The following NFYB variants were observed in gnomAD, a reference collection of about 807,000 sequenced individuals.
NFYB encodes CAAT box DNA-binding protein subunit B.
Under a neutral mutation model 28.0 loss-of-function variants are expected in NFYB, and 13 were observed. That is an observed-to-expected ratio of 0.46 (90% CI 0.30 to 0.74). The LOEUF (loss-of-function observed/expected upper bound fraction) is 0.74, where lower values mean the gene tolerates loss of function less well. NFYB is among the 30% of genes least tolerant of loss of function. NFYB has a pLI of 0.07. For synonymous variants in NFYB, 74 were observed against 75.0 expected (o/e 0.99, Z 0.07); for missense variants, 142 against 247.6 (o/e 0.57, Z 2.86).
At chr12:104,121,841 T>C (rs1452175487) in intron 5 of NFYB, among the ~76,000 whole-genome samples, 1 of 152,230 alleles carries the variant, frequency 6.6e-6, no homozygotes, top group Non-Finnish European at 1.5e-5. Flanking sequence ...CTACTTCAAT[T>C]ATTCCATGCA....
At chr12:104,138,010 G>A (rs1288585014) in intron 1 of NFYB, 131 bp downstream of exon 1, 3 of 146,512 alleles carry the variant, frequency 2.0e-5, no homozygotes, top group East Asian at 2.0e-4. Flanking sequence ...CCGCGCGGGA[G>A]GGCGGGAGGC....
chr12:104,123,208 G>T lies in NFYB; in HGVS notation c.429+18C>A, dbSNP rs1379536721. ...AAAAGAAGAAAAAAAAAAGCACAAT[G>T]GGAGATATTTTATTTACCTCTCTGA... is the stretch of plus-strand genomic sequence containing the variant. On this transcript the variant is annotated intron_variant, in intron 5 of 7. Transcript: ENST00000240055. The T allele has an allele frequency of 3.2e-6, 5 of 1,565,638 alleles. No individual in the cohort carries two copies. The Admixed American group carries it at 5.4e-5, about 17-fold the overall frequency.
At position 104,120,494 on chromosome 12, in the gene NFYB, AT is replaced by A; in HGVS notation, c.512-16del. On this transcript the variant is annotated splice_polypyrimidine_tract_variant and intron_variant, in intron 6 of 7. Coordinates refer to ENST00000240055, the MANE Select transcript of NFYB (RefSeq NM_006166.4). ...TAACTGGTTAGCTAAAAGAAAAAAA[AT>A]TAGTTAAAGAGGGAAATGAACTATA... 2 of 1,595,058 alleles carry A rather than the reference AT, an allele frequency of 1.3e-6. No individual in the cohort carries two copies. The highest frequency in any genetic ancestry group is 2.2e-5 in the East Asian group (1 of 44,778).
At chr12:104,136,461 G>A (rs931056642) in intron 1 of NFYB, among the ~76,000 whole-genome samples, 1 of 152,280 alleles carries the variant, frequency 6.6e-6, no homozygotes, top group East Asian at 1.9e-4. Context: ...AAAACTGCTT[G>A]ACGTTTGCTA....
At position 104,128,344 on chromosome 12, in the gene NFYB, C is replaced by T. The variant is rs555510866; in HGVS notation, c.100+80G>A. The T allele has an allele frequency of 4.2e-5, 41 of 985,974 alleles. No homozygotes were observed. In the Admixed American group the frequency reaches 7.3e-4, roughly 17 times the overall value. The allele number at this position is 985,974 out of a possible 1,614,324, so 61.1% of individuals were successfully genotyped here. A position where few individuals can be genotyped will look rare whatever the true frequency, so the allele number is the denominator to read the frequency against. ...ATTTTCCTATAAAGACACAAGTAGC[C>T]TAGAACACCATATTAATGAAATGTC... On this transcript the variant is annotated intron_variant, in intron 3 of 7. Transcript: ENST00000240055.
Position 104,126,247 on chromosome 12 carries a change from A to G in NFYB, c.101-3T>C, listed in dbSNP as rs1356618301. On this transcript the variant is annotated splice_polypyrimidine_tract_variant and splice_region_variant and intron_variant, in intron 3 of 7. Transcript: ENST00000240055. ...ATCATTCATGCTGTCCTCAGTATCTAAAGAAATAAAAATATTTAGGTGTAA... is the reference window on the plus strand; with the variant it reads ...ATCATTCATGCTGTCCTCAGTATCTGAAGAAATAAAAATATTTAGGTGTAA... The G allele has an allele frequency of 6.5e-7, 1 of 1,545,104 alleles. No homozygotes were observed. The highest frequency in any genetic ancestry group is 8.7e-7 in the Non-Finnish European group (1 of 1,153,776).
At chr12:104,133,984 C>T (rs576839640) in intron 2 of NFYB, among the ~76,000 whole-genome samples, 5 of 152,214 alleles carry the variant, frequency 3.3e-5, no homozygotes, top group African/African-American at 7.2e-5. Flanking sequence ...CTTTTTAACC[C>T]CAACCCAGAA....
intron 6 of NFYB, 73 bp from the exon 7 acceptor site, chr12:104,120,552 AC>A: frequency 1.0e-6 from 1 of 1,001,112 alleles, no homozygotes; most frequent in East Asian, 2.4e-5. Context: ...TTAAGGTTGT[AC>A]CATTAATGTC....
chr12:104,128,398 T>C (rs1177569366), intron 3 of NFYB, 26 bp downstream of exon 3: 3 of 1,544,084 alleles, frequency 1.9e-6, no homozygotes, highest in Non-Finnish European at 2.7e-6. Context: ...AACTTGAGAA[T>C]TTGGTTCTAA....
intron 1 of NFYB, 49 bp from the exon 2 acceptor site, chr12:104,135,581 T>C (rs2031071103): frequency 1.4e-6 from 1 of 732,658 alleles, no homozygotes; most frequent in South Asian, 2.5e-5. Flanking sequence ...ATAGTAAAAA[T>C]ACATCAAATG....
intron 2 of NFYB, among the ~76,000 whole-genome samples, chr12:104,133,421 T>C (rs923584152): frequency 6.6e-5 from 10 of 152,044 alleles, no homozygotes; most frequent in African/African-American, 2.4e-4. Flanking sequence ...GGATGGTGTT[T>C]GTGAGATGGT....
chr12:104,128,741 A>G (rs1413611618), intron 2 of NFYB: 1 of 216,068 alleles, frequency 4.6e-6, no homozygotes, highest in Non-Finnish European at 9.2e-6. Context: ...ATCACAGCTC[A>G]CTGCAGAATC....
At chr12:104,129,424 T>C (rs192595087) in intron 2 of NFYB, among the ~76,000 whole-genome samples, 6 of 152,316 alleles carry the variant, frequency 3.9e-5, no homozygotes, top group Admixed American at 3.9e-4. Flanking sequence ...TGCTTTCTCA[T>C]AGAAGTTCCA....
chr12:104,126,994 T>C (rs986787919), intron 3 of NFYB, among the ~76,000 whole-genome samples: 32 of 152,210 alleles, frequency 2.1e-4, no homozygotes, highest in African/African-American at 7.7e-4. Context: ...GTGATCCAAC[T>C]GTTCATACAA....
intron 4 of NFYB, 34 bp downstream of exon 4, chr12:104,126,080 G>GA (rs1251215276): frequency 2.6e-6 from 4 of 1,533,968 alleles, no homozygotes; most frequent in Admixed American, 2.1e-5. Flanking sequence ...TGTTTCCCTT[G>GA]AAAAAACCTA....
At position 104,119,050 on chromosome 12, in the gene NFYB, T is replaced by C. The variant is rs2030367734; in HGVS notation, c.*687A>G. 6.6e-6 allele frequency: 1 copy of C among 152,250 alleles called. No homozygotes were observed. The highest frequency in any genetic ancestry group is 2.1e-4 in the South Asian group (1 of 4,824). 9.4% of individuals were successfully genotyped at this position (152,250 alleles called of 1,614,324 possible). On this transcript the variant is annotated 3_prime_UTR_variant, in exon 8 of 8. Transcript: ENST00000240055. ...AAACCAAATCTAGTCTTAAAAAAGC[T>C]CCAGTAACTAAAACTACATTAACAG... is the stretch of plus-strand genomic sequence containing the variant.
intron 1 of NFYB, 150 bp downstream of exon 1, chr12:104,137,991 G>C (rs2031184476): frequency 6.9e-6 from 1 of 144,884 alleles, no homozygotes; most frequent in Admixed American, 6.8e-5. Context: ...CGCGGGGCCC[G>C]GCCTCGGCCC....
intron 1 of NFYB, 171 bp downstream of exon 1, chr12:104,137,970 G>T (rs1469972653): frequency 6.9e-6 from 1 of 145,332 alleles, no homozygotes; most frequent in African/African-American, 2.5e-5. Flanking sequence ...CTGCGGGAGC[G>T]GCCTCGCAGG....
At chr12:104,120,726 C>T (rs2030442659) in intron 6 of NFYB, among the ~76,000 whole-genome samples, 1 of 152,126 alleles carries the variant, frequency 6.6e-6, no homozygotes, top group African/African-American at 2.4e-5. Context: ...CCCATGTGTA[C>T]AAATCTGTAG....
Sources: gnomAD v4.1 joint callset for allele counts (sites outside exome capture counted in the v4.1 genomes callset) on GRCh38, gnomAD v4.1.1 for gene constraint, MANE v1.5 for transcripts, NCBI Gene and HGNC (gene_info 2026-07-23, HGNC 2026-07-21) for gene names.